Variants in MARCHF1 observed in about 807,000 individuals in gnomAD.
MARCHF1 encodes the protein membrane associated ring-CH-type finger 1, also known as E3 ubiquitin-protein ligase MARCHF1.
A neutral mutation model predicts 54.2 loss-of-function variants in MARCHF1; 40 were observed. That is an observed-to-expected ratio of 0.74 (90% CI 0.57 to 0.96). MARCHF1 has a LOEUF of 0.96. Ranked by LOEUF, MARCHF1 falls within the 40% of genes least tolerant of loss-of-function variation. MARCHF1 has a pLI of 0.00. For synonymous variants in MARCHF1, 236 were observed against 236.3 expected (o/e 1.00, Z 0.01); for missense variants, 586 against 656.5 (o/e 0.89, Z 1.17).
At chr4:164,225,758 C>T (rs1233172822) in intron 1 of MARCHF1, among the ~76,000 whole-genome samples, 1 of 151,962 alleles carries the variant, frequency 6.6e-6, no homozygotes, top group African/African-American at 2.4e-5. Flanking sequence ...ATGGTACAAC[C>T]ATGTTGAAAA....
chr4:164,073,728 C>T (rs889543365), intron 2 of MARCHF1, among the ~76,000 whole-genome samples: 1 of 151,974 alleles, frequency 6.6e-6, no homozygotes, highest in Non-Finnish European at 1.5e-5. Flanking sequence ...GGAAATTAAC[C>T]ACCACTAAAT....
chr4:163,754,452 G>C (rs1251640669), intron 4 of MARCHF1, among the ~76,000 whole-genome samples: 1 of 152,162 alleles, frequency 6.6e-6, no homozygotes, highest in African/African-American at 2.4e-5. Context: ...AAATTTGCAA[G>C]AATAGACATC....
chr4:163,843,973 T>A (rs1180950937), intron 4 of MARCHF1, among the ~76,000 whole-genome samples: 2 of 152,080 alleles, frequency 1.3e-5, no homozygotes, highest in Admixed American at 1.3e-4. Flanking sequence ...TTTTTCAATT[T>A]GTTTTCTTTT....
At chr4:163,748,920 C>T (rs1479042690) in intron 4 of MARCHF1, among the ~76,000 whole-genome samples, 1 of 152,228 alleles carries the variant, frequency 6.6e-6, no homozygotes, top group Non-Finnish European at 1.5e-5. Context: ...GGCTCTTCAT[C>T]TCTTTGTAAG....
rs368018701 is a variant in MARCHF1 at position 164,356,311 on chromosome 4, G to A, written c.-323+27559C>T. Among the ~76,000 whole-genome samples, 804 of 132,046 alleles carry A rather than the reference G, an allele frequency of 6.1e-3. 9 individuals are homozygous for A. The highest frequency in any genetic ancestry group is 0.039 in the East Asian group (173 of 4,474). 86.6% of individuals were successfully genotyped at this position (132,046 alleles called of 152,430 possible). ...AAATCATGCTGCTATAAAGACACATGAACAGGTATGTTTATTGTGGCATTA... is the reference window on the plus strand; with the variant it reads ...AAATCATGCTGCTATAAAGACACATAAACAGGTATGTTTATTGTGGCATTA... On this transcript the variant is annotated intron_variant, in intron 1 of 9. Coordinates refer to ENST00000514618, the MANE Select transcript of MARCHF1 (RefSeq NM_001394959.1).
intron 5 of MARCHF1, among the ~76,000 whole-genome samples, chr4:163,617,089 A>G (rs1741539350): frequency 6.6e-6 from 1 of 152,154 alleles, no homozygotes; most frequent in Non-Finnish European, 1.5e-5. Flanking sequence ...AACGAACAAA[A>G]TCATGTCATT....
intron 4 of MARCHF1, among the ~76,000 whole-genome samples, chr4:163,847,982 G>C (rs1298017507): frequency 6.6e-6 from 1 of 152,130 alleles, no homozygotes; most frequent in African/African-American, 2.4e-5. Flanking sequence ...AAATTCTTAT[G>C]ATTTGGAGTG....
At chr4:164,222,145 C>T (rs544312507) in intron 1 of MARCHF1, among the ~76,000 whole-genome samples, 2 of 151,716 alleles carry the variant, frequency 1.3e-5, no homozygotes, top group African/African-American at 2.4e-5. Context: ...TAGGTGGGTA[C>T]GCTTTCCTTA....
chr4:164,048,598 G>C (rs924360653), intron 2 of MARCHF1, among the ~76,000 whole-genome samples: 2 of 152,086 alleles, frequency 1.3e-5, no homozygotes, highest in African/African-American at 4.8e-5. Flanking sequence ...AAAAGAAAAT[G>C]CTGTAAAAAG....
At chr4:163,869,480 G>A (rs1212869100) in intron 3 of MARCHF1, among the ~76,000 whole-genome samples, 2 of 152,078 alleles carry the variant, frequency 1.3e-5, no homozygotes, top group Non-Finnish European at 2.9e-5. Flanking sequence ...CAGAACAGGT[G>A]TAAAATCTGC....
chr4:164,156,141 A>G (rs145291542), intron 1 of MARCHF1, among the ~76,000 whole-genome samples: 3 of 152,260 alleles, frequency 2.0e-5, no homozygotes, highest in African/African-American at 4.8e-5. Context: ...TCTGGGTTCA[A>G]TTGTAATCCT....
chr4:163,644,066 T>C (rs901377789), intron 5 of MARCHF1, among the ~76,000 whole-genome samples: 7 of 152,122 alleles, frequency 4.6e-5, no homozygotes, highest in African/African-American at 1.4e-4. Flanking sequence ...AATTATAAAA[T>C]TAATAACATT....
Position 163,528,186 on chromosome 4 carries a change from T to A in MARCHF1, c.*562A>T, listed in dbSNP as rs546364624. On this transcript the variant is annotated 3_prime_UTR_variant, in exon 10 of 10. Coordinates refer to ENST00000514618, the MANE Select transcript of MARCHF1 (RefSeq NM_001394959.1). The stretch of plus-strand genomic sequence containing the variant: ...CATCTATTTAAAAAAAACATGCATC[T>A]GTCAAAATAACCAGACTCCACTAAA... 1 of 152,742 alleles carries A rather than the reference T, an allele frequency of 6.5e-6. No homozygotes were observed. Among genetic ancestry groups the A allele is most frequent in the Admixed American group, 6.5e-5 (1 of 15,270 alleles). 9.5% of individuals were successfully genotyped at this position (152,742 alleles called of 1,614,324 possible).
intron 1 of MARCHF1, among the ~76,000 whole-genome samples, chr4:164,372,089 T>G (rs779727547): frequency 6.6e-6 from 1 of 152,172 alleles, no homozygotes; most frequent in Non-Finnish European, 1.5e-5. Context: ...AAAATAAATT[T>G]AAAAAATGAA....
At chr4:164,120,332 A>T (rs186247736) in intron 1 of MARCHF1, among the ~76,000 whole-genome samples, 1 of 152,228 alleles carries the variant, frequency 6.6e-6, no homozygotes, top group East Asian at 1.9e-4. Flanking sequence ...CCAGATACAT[A>T]AAGGAAGTAT....
rs1751355534 is a variant in MARCHF1 at position 163,918,376 on chromosome 4, A to C, written c.-38-64207T>G. Reference sequence around the variant, plus strand: ...CTGTTGTTTGTCTTCTCATGCTTTGACTGTGTTATACCTTTTATGGTGTCT... The same window carrying C: ...CTGTTGTTTGTCTTCTCATGCTTTGCCTGTGTTATACCTTTTATGGTGTCT... On this transcript the variant is annotated intron_variant, in intron 3 of 9. Coordinates refer to ENST00000514618, the MANE Select transcript of MARCHF1 (RefSeq NM_001394959.1). Among the ~76,000 whole-genome samples, 3 of 152,110 alleles carry C rather than the reference A, an allele frequency of 2.0e-5. No homozygotes were observed. The South Asian group carries it at 6.2e-4, about 32-fold the overall frequency.
chr4:164,333,805 A>T (rs909343754), intron 1 of MARCHF1, among the ~76,000 whole-genome samples: 5 of 152,250 alleles, frequency 3.3e-5, no homozygotes, highest in African/African-American at 1.2e-4. Context: ...CGCTAGGTGT[A>T]TTGTGCCAAA....
chr4:163,968,963 G>C (rs1238879418), intron 3 of MARCHF1, among the ~76,000 whole-genome samples: 1 of 152,124 alleles, frequency 6.6e-6, no homozygotes, highest in Non-Finnish European at 1.5e-5. Flanking sequence ...ACAGGACTTA[G>C]AGGTCCTAGA....
intron 9 of MARCHF1, among the ~76,000 whole-genome samples, chr4:163,537,149 G>GT (rs3839195): frequency 0.58 from 87,617 of 151,888 alleles, 25,713 homozygotes; most frequent in Admixed American, 0.7. Context: ...AGGATTGTAT[G>GT]TGGAAAACTC....
Sources: gnomAD v4.1 joint callset for allele counts (sites outside exome capture counted in the v4.1 genomes callset) on GRCh38, gnomAD v4.1.1 for gene constraint, MANE v1.5 for transcripts, NCBI Gene and HGNC (gene_info 2026-07-23, HGNC 2026-07-21) for gene names.